Variants in SNX3 observed in about 807,000 individuals in gnomAD.
SNX3 encodes the protein sorting nexin-3.
Under a neutral mutation model 17.7 loss-of-function variants are expected in SNX3, and 5 were observed. The observed-to-expected ratio is 0.28, with a 90% CI of 0.15 to 0.59. The LOEUF is 0.59. Ranked by LOEUF, SNX3 falls within the 20% of genes least tolerant of loss-of-function variation. SNX3 has a pLI of 0.88. For missense variants in SNX3, 132 were observed against 206.8 expected, an observed-to-expected ratio of 0.64 and a Z score of 2.22; for synonymous variants, 91 against 76.5, an observed-to-expected ratio of 1.19 and a Z score of -0.99.
At chr6:108,235,556 C>CA (rs1307162145) in intron 1 of SNX3, among the ~76,000 whole-genome samples, 4 of 152,160 alleles carry the variant, frequency 2.6e-5, no homozygotes, top group African/African-American at 9.7e-5. Flanking sequence ...AGATGCAGAT[C>CA]ATGAGAAGAC....
chr6:108,260,694 G>A, intron 1 of SNX3, 66 bp downstream of exon 1: 3 of 1,578,632 alleles, frequency 1.9e-6, no homozygotes, highest in Non-Finnish European at 2.6e-6. Flanking sequence ...GTCCACTCCC[G>A]GGTCGAGTGG....
At chr6:108,222,872 A>G in intron 2 of SNX3, 78 bp downstream of exon 2, 2 of 847,746 alleles carry the variant, frequency 2.4e-6, no homozygotes, top group South Asian at 3.0e-5. Flanking sequence ...ATTTTATTCA[A>G]TATCATTTTC....
intron 1 of SNX3, among the ~76,000 whole-genome samples, chr6:108,238,500 T>C (rs1446553100): frequency 6.6e-6 from 1 of 152,020 alleles, no homozygotes; most frequent in East Asian, 1.9e-4. Flanking sequence ...TGCGGTGGCA[T>C]GTGCCTGTAG....
intron 1 of SNX3, among the ~76,000 whole-genome samples, chr6:108,229,380 CCCT>C (rs1775070105): frequency 6.6e-6 from 1 of 151,700 alleles, no homozygotes; most frequent in African/African-American, 2.4e-5. Context: ...TCATTCTTTC[CCCT>C]CCTTTTCTTT....
intron 1 of SNX3, among the ~76,000 whole-genome samples, chr6:108,241,793 A>C (rs941960628): frequency 2.6e-5 from 4 of 152,220 alleles, no homozygotes; most frequent in African/African-American, 7.2e-5. Context: ...AAAAATTATG[A>C]GACATGCAAA....
At chr6:108,253,306 A>ACT (rs1775923460) in intron 1 of SNX3, among the ~76,000 whole-genome samples, 1 of 152,036 alleles carries the variant, frequency 6.6e-6, no homozygotes, top group Non-Finnish European at 1.5e-5. Flanking sequence ...TAGGAGGCTC[A>ACT]CTTGAGCCCA....
At chr6:108,219,176 C>G (rs184236535) in intron 2 of SNX3, among the ~76,000 whole-genome samples, 1 of 151,438 alleles carries the variant, frequency 6.6e-6, no homozygotes, top group East Asian at 1.9e-4. Flanking sequence ...CGGTGAAACC[C>G]CGTCTCTACT....
chr6:108,248,527 A>G (rs184297717), intron 1 of SNX3, among the ~76,000 whole-genome samples: 86 of 152,334 alleles, frequency 5.6e-4, no homozygotes, highest in African/African-American at 2.1e-3. Flanking sequence ...AAAGAAATTT[A>G]GTTAGAAAAA....
intron 1 of SNX3, among the ~76,000 whole-genome samples, chr6:108,225,561 G>A (rs1774948947): frequency 1.3e-5 from 2 of 151,984 alleles, no homozygotes; most frequent in African/African-American, 2.4e-5. Flanking sequence ...AACCCGGGAG[G>A]TGGAGGTGGC....
intron 1 of SNX3, among the ~76,000 whole-genome samples, chr6:108,243,062 T>C (rs989919167): frequency 2.6e-5 from 4 of 152,348 alleles, no homozygotes; most frequent in Middle Eastern, 6.8e-3. Context: ...GGTGGTGTTT[T>C]TAAAATAATT....
intron 2 of SNX3, among the ~76,000 whole-genome samples, chr6:108,220,293 C>T (rs182598795): frequency 1.5e-4 from 23 of 152,202 alleles, no homozygotes; most frequent in African/African-American, 5.1e-4. Context: ...CCCAGAACAA[C>T]TTTCAATCCT....
rs10655859 is a variant in SNX3, at chr6:108,234,238, C to CATATATATATATATATAT, written c.163-11194_163-11193insATATATATATATATATAT. 1.9e-3 allele frequency among the ~76,000 whole-genome samples: 287 copies of CATATATATATATATATAT among 148,196 alleles called. 1 individual carries two copies. The highest frequency in any genetic ancestry group is 6.8e-3 in the African/African-American group (272 of 40,008). On this transcript the variant is annotated intron_variant, in intron 1 of 3. Transcript: ENST00000230085. ...AGGCAAAATTAAAATATATAAAAAA[C>CATATATATATATATATAT]ATATATATATATATATAACATATAC... is the stretch of plus-strand genomic sequence containing the variant.
intron 1 of SNX3, 39 bp downstream of exon 1, chr6:108,260,721 C>A: frequency 1.9e-6 from 3 of 1,611,108 alleles, no homozygotes; most frequent in Non-Finnish European, 1.7e-6. Context: ...CCAGAGCCAG[C>A]GGGAGGGGTT....
At chr6:108,232,298 C>T (rs976987937) in intron 1 of SNX3, among the ~76,000 whole-genome samples, 4 of 152,080 alleles carry the variant, frequency 2.6e-5, no homozygotes, top group Non-Finnish European at 4.4e-5. Flanking sequence ...TTACTAATCA[C>T]ACAGGGTAAG....
intron 2 of SNX3, among the ~76,000 whole-genome samples, chr6:108,220,079 T>C (rs996820429): frequency 6.6e-6 from 1 of 152,216 alleles, no homozygotes; most frequent in Admixed American, 6.5e-5. Context: ...ATTTGTTCAA[T>C]GTGTCTGTGT....
intron 1 of SNX3, among the ~76,000 whole-genome samples, chr6:108,233,366 A>C (rs1775228100): frequency 6.6e-6 from 1 of 152,174 alleles, no homozygotes; most frequent in Non-Finnish European, 1.5e-5. Context: ...TTTTTTGGAC[A>C]ATCTTTAAAA....
chr6:108,242,081 G>T lies in SNX3; in HGVS notation c.162+18679C>A, dbSNP rs1397465420. Among the ~76,000 whole-genome samples the T allele has an allele frequency of 2.0e-5, 3 of 152,124 alleles. No individual in the cohort carries two copies. In the East Asian group the frequency reaches 5.8e-4, roughly 29 times the overall value. On this transcript the variant is annotated intron_variant, in intron 1 of 3. Coordinates refer to ENST00000230085, the MANE Select transcript of SNX3 (RefSeq NM_003795.6). ...AATTAACTGAAGGGGATCAACAGTG[G>T]ATTCAAACTGGCAGACAAAAGCATC... is the stretch of plus-strand genomic sequence containing the variant.
chr6:108,249,168 T>TG (rs1327425651), intron 1 of SNX3, among the ~76,000 whole-genome samples: 1 of 152,136 alleles, frequency 6.6e-6, no homozygotes, highest in Non-Finnish European at 1.5e-5. Context: ...AAGACCAACC[T>TG]GGGCAATGTA....
chr6:108,243,121 G>A lies in SNX3; in HGVS notation c.162+17639C>T, dbSNP rs564214422. Reference sequence around the variant, plus strand: ...ATTTTTACTTTTTTTAAGAGACAGCGTCTTGCTTATTTCCCAGGCTGGAGT... The same window carrying A: ...ATTTTTACTTTTTTTAAGAGACAGCATCTTGCTTATTTCCCAGGCTGGAGT... On this transcript the variant is annotated intron_variant, in intron 1 of 3. Transcript: ENST00000230085. 2.8e-4 allele frequency among the ~76,000 whole-genome samples: 43 copies of A among 152,136 alleles called. 1 individual carries two copies. The highest frequency in any genetic ancestry group is 9.8e-4 in the Admixed American group (15 of 15,274).
Sources: gnomAD v4.1 joint callset for allele counts (sites outside exome capture counted in the v4.1 genomes callset) on GRCh38, gnomAD v4.1.1 for gene constraint, MANE v1.5 for transcripts, NCBI Gene and HGNC (gene_info 2026-07-23, HGNC 2026-07-21) for gene names.